The following WDR49 variants were observed in gnomAD, a reference collection of about 807,000 sequenced individuals.
The protein encoded by WDR49 is WD repeat domain 49.
A neutral mutation model predicts 119.5 loss-of-function variants in WDR49; 107 were observed. The ratio of observed to expected loss-of-function variants is 0.90; its 90% CI spans 0.77 to 1.05. The LOEUF (loss-of-function observed/expected upper bound fraction) is 1.05, where lower values mean the gene tolerates loss of function less well. Among genes scored for constraint, WDR49 ranks in the 50% least tolerant of loss-of-function variants. The pLI is 0.00. For missense variants in WDR49, 1,240 were observed against 1,220.5 expected, an observed-to-expected ratio of 1.02 and a Z score of -0.24; for synonymous variants, 425 against 418.8, an observed-to-expected ratio of 1.01 and a Z score of -0.18.
rs376125490 is a variant in WDR49, at chr3:167,478,839, T to C, written c.*39A>G. On this transcript the variant is annotated 3_prime_UTR_variant, in exon 19 of 19. Transcript: ENST00000682715. ...CTTGATGCTTTTTCTGCATTTTATATCTGTACCTTATGTAACAGTGAAGGT... is the reference window on the plus strand; with the variant it reads ...CTTGATGCTTTTTCTGCATTTTATACCTGTACCTTATGTAACAGTGAAGGT... 1 of 1,374,420 alleles carries C rather than the reference T, an allele frequency of 7.3e-7. No individual in the cohort carries two copies. Among genetic ancestry groups the C allele is most frequent in the East Asian group, 2.3e-5 (1 of 42,714 alleles). 85.1% of individuals were successfully genotyped at this position (1,374,420 alleles called of 1,614,324 possible). A position where few individuals can be genotyped will look rare whatever the true frequency, so the allele number is the denominator to read the frequency against.
intron 15 of WDR49, among the ~76,000 whole-genome samples, chr3:167,525,356 A>G (rs1449041038): frequency 6.6e-6 from 1 of 152,084 alleles, no homozygotes; most frequent in Admixed American, 6.6e-5. Context: ...ATGCAAACAG[A>G]GACAATTTGA....
Position 167,653,113 on chromosome 3 carries a change from T to A in WDR49, c.165+148A>T, listed in dbSNP as rs981704939. ...GGCAAAGCTACCAAGCACATTGTGT[T>A]AAATCCAGGCCTAACCAATTATTTT... On this transcript the variant is annotated intron_variant, in intron 2 of 18. Coordinates refer to ENST00000682715, the MANE Select transcript of WDR49 (RefSeq NM_001366157.1). The A allele has an allele frequency of 4.4e-6, 4 of 905,806 alleles. No homozygotes were observed. In the African/African-American group the frequency reaches 6.8e-5, roughly 15 times the overall value. 56.1% of individuals were successfully genotyped at this position (905,806 alleles called of 1,614,324 possible). A position where few individuals can be genotyped will look rare whatever the true frequency, so the allele number is the denominator to read the frequency against.
intron 15 of WDR49, among the ~76,000 whole-genome samples, chr3:167,524,397 C>G (rs1047987947): frequency 1.3e-5 from 2 of 152,044 alleles, no homozygotes; most frequent in African/African-American, 4.8e-5. Flanking sequence ...TGTGCAGAAG[C>G]TTTTTAGCTT....
At chr3:167,504,610 G>A (rs982509470) in intron 17 of WDR49, among the ~76,000 whole-genome samples, 1 of 152,170 alleles carries the variant, frequency 6.6e-6, no homozygotes, top group African/African-American at 2.4e-5. Flanking sequence ...GTACTTTTAA[G>A]TTAATGCTGG....
chr3:167,622,975 T>C (rs562987798), intron 3 of WDR49, among the ~76,000 whole-genome samples: 6 of 152,034 alleles, frequency 3.9e-5, no homozygotes, highest in East Asian at 1.9e-4. Flanking sequence ...AAGTAACCAA[T>C]GGGTCAAAGA....
At chr3:167,556,170 G>A (rs992061027) in intron 9 of WDR49, among the ~76,000 whole-genome samples, 10 of 152,146 alleles carry the variant, frequency 6.6e-5, no homozygotes, top group African/African-American at 1.4e-4. Context: ...AATACTGTAA[G>A]TTAATATGTA....
rs146304040 is a variant in WDR49, at chr3:167,556,069, G to A, written c.1675-1271C>T. On this transcript the variant is annotated intron_variant, in intron 9 of 18. Coordinates refer to ENST00000682715, the MANE Select transcript of WDR49 (RefSeq NM_001366157.1). ...ATTATAATCTTAAGGGACCACCATC[G>A]TATATGCAGTCTGTTGTTAACTGAA... is the stretch of plus-strand genomic sequence containing the variant. Among the ~76,000 whole-genome samples the A allele has an allele frequency of 2.9e-3, 440 of 152,244 alleles. 3 individuals carry two copies. Among genetic ancestry groups the A allele is most frequent in the African/African-American group, 9.9e-3 (410 of 41,544 alleles).
chr3:167,563,371 A>G (rs867753319), intron 8 of WDR49, among the ~76,000 whole-genome samples: 3,639 of 137,248 alleles, frequency 0.027, 144 homozygotes, highest in African/African-American at 0.12. Context: ...AAAAAAAAAA[A>G]AAAAAAGAAA....
intron 10 of WDR49, among the ~76,000 whole-genome samples, chr3:167,539,576 T>C (rs1415134105): frequency 1.3e-5 from 2 of 152,272 alleles, no homozygotes; most frequent in Middle Eastern, 3.4e-3. Context: ...AAATTATAAA[T>C]TCTGAAACCA....
chr3:167,641,893 G>C (rs1717898895), intron 2 of WDR49, among the ~76,000 whole-genome samples: 1 of 151,406 alleles, frequency 6.6e-6, no homozygotes, highest in Non-Finnish European at 1.5e-5. Flanking sequence ...AAATGCCACA[G>C]AGAATAAACG....
intron 7 of WDR49, among the ~76,000 whole-genome samples, chr3:167,580,793 T>C (rs1307181823): frequency 6.6e-6 from 1 of 152,196 alleles, no homozygotes; most frequent in African/African-American, 2.4e-5. Flanking sequence ...ATATTCAAGT[T>C]GACTTCTGGA....
At chr3:167,635,942 G>A (rs1717598295) in intron 2 of WDR49, among the ~76,000 whole-genome samples, 2 of 151,448 alleles carry the variant, frequency 1.3e-5, no homozygotes, top group South Asian at 4.2e-4. Flanking sequence ...ATTATTCTAA[G>A]CACTCACCAC....
chr3:167,526,869 C>A (rs1015731614), intron 15 of WDR49, among the ~76,000 whole-genome samples: 1 of 151,460 alleles, frequency 6.6e-6, no homozygotes, highest in African/African-American at 2.4e-5. Context: ...ACCTGAGGCT[C>A]CTAAATAGAA....
Position 167,518,570 on chromosome 3 carries a change from T to G in WDR49, c.2774+3745A>C, listed in dbSNP as rs376022317. Reference sequence around the variant, plus strand: ...TCTGTTCATATCCTTTGCCCACTTTTTGATGGGGTTGTTTGTTTTTTTCTT... The same window carrying G: ...TCTGTTCATATCCTTTGCCCACTTTGTGATGGGGTTGTTTGTTTTTTTCTT... On this transcript the variant is annotated intron_variant, in intron 16 of 18. Coordinates refer to ENST00000682715, the MANE Select transcript of WDR49 (RefSeq NM_001366157.1). 6.4e-4 allele frequency among the ~76,000 whole-genome samples: 97 copies of G among 151,950 alleles called. 1 individual carries two copies. The East Asian group carries it at 0.015, about 24-fold the overall frequency.
At position 167,538,294 on chromosome 3, in the gene WDR49, T is replaced by C. The variant is rs1711579129; in HGVS notation, c.1824-1294A>G. Among the ~76,000 whole-genome samples, 3 of 152,122 alleles carry C rather than the reference T, an allele frequency of 2.0e-5. No individual in the cohort carries two copies. In the South Asian group the frequency reaches 6.2e-4, roughly 31 times the overall value. On this transcript the variant is annotated intron_variant, in intron 10 of 18. Transcript: ENST00000682715. ...AAAAATCCAAATTTGACATCTTCCC[T>C]CCATACCAGCCCTCTGTCTGCAATT...
In WDR49 at chr3:167,531,160, T is replaced by C. The variant is rs532182042; in HGVS notation, c.2173A>G (p.Met725Val). ...EIDTEGKNAV[M>V]RLCFLKARKN... ...CTTGCTTTAAGAAAGCAAAGTCTCA[T>C]AACAGCATTTTTGCCCTCAGTGTCA... The change falls in exon 13 of 19, where the codon ATG becomes GTG. Residue 725 changes from methionine (M) to valine (V), a missense_variant. Transcript: ENST00000682715. 3 of 1,612,504 alleles carry C rather than the reference T, an allele frequency of 1.9e-6. No homozygotes were observed. Among genetic ancestry groups the C allele is most frequent in the Admixed American group, 3.3e-5 (2 of 59,936 alleles).
intron 16 of WDR49, among the ~76,000 whole-genome samples, chr3:167,518,424 T>G (rs1243814195): frequency 6.6e-6 from 1 of 152,162 alleles, no homozygotes; most frequent in Admixed American, 6.5e-5. Flanking sequence ...ATGATTGCCA[T>G]TCTAACTGGT....
At chr3:167,491,365 T>C (rs1751126532) in intron 18 of WDR49, among the ~76,000 whole-genome samples, 1 of 152,146 alleles carries the variant, frequency 6.6e-6, no homozygotes, top group African/African-American at 2.4e-5. Context: ...TTTCATGTTC[T>C]AGAAACAGCT....
intron 10 of WDR49, 122 bp from the exon 11 acceptor site, chr3:167,537,122 C>A (rs74671531): frequency 2.1e-6 from 2 of 938,424 alleles, no homozygotes; most frequent in Non-Finnish European, 1.4e-6. Context: ...CAAAATTTAT[C>A]CCCACTTGAC....
Sources: gnomAD v4.1 joint callset for allele counts (sites outside exome capture counted in the v4.1 genomes callset) on GRCh38, gnomAD v4.1.1 for gene constraint, MANE v1.5 for transcripts, NCBI Gene and HGNC (gene_info 2026-07-23, HGNC 2026-07-21) for gene names.